PHKB: variants seen among roughly 807,000 people sequenced by gnomAD.
The protein encoded by PHKB is phosphorylase kinase regulatory subunit beta.
A neutral mutation model predicts 152.1 loss-of-function variants in PHKB; 122 were observed. That is an observed-to-expected ratio of 0.80 (90% CI 0.69 to 0.93). The LOEUF is 0.93. Ranked by LOEUF, PHKB falls within the 40% of genes least tolerant of loss-of-function variation. The pLI, the probability that PHKB is intolerant of heterozygous loss-of-function variation, is 0.00. For missense variants in PHKB, 1,304 were observed against 1,328.4 expected (o/e 0.98, Z 0.29); for synonymous variants, 436 against 464.9 (o/e 0.94, Z 0.80).
Position 47,659,876 on chromosome 16 carries a change from A to T in PHKB, c.1972-630A>T, listed in dbSNP as rs1406141414. Among the ~76,000 whole-genome samples, 3 of 151,952 alleles carry T rather than the reference A, an allele frequency of 2.0e-5. No homozygotes were observed. The East Asian group carries it at 5.8e-4, about 29-fold the overall frequency. On this transcript the variant is annotated intron_variant, in intron 20 of 30. Transcript: ENST00000323584. ...TTTTATTTTATTTATTTATTTATTT[A>T]TTTTTTGAGACGGAGTCTCACTCTA... is the stretch of plus-strand genomic sequence containing the variant.
chr16:47,505,153 T>C (rs1325295396), intron 4 of PHKB, among the ~76,000 whole-genome samples: 1 of 152,172 alleles, frequency 6.6e-6, no homozygotes, highest in Admixed American at 6.5e-5. Flanking sequence ...TTGGAGGTTT[T>C]ACGACCCAAA....
At chr16:47,489,208 T>G (rs1970103848) in intron 1 of PHKB, among the ~76,000 whole-genome samples, 1 of 152,158 alleles carries the variant, frequency 6.6e-6, no homozygotes, top group South Asian at 2.1e-4. Context: ...CATGCCACCA[T>G]GGCTGGCTAA....
In PHKB at chr16:47,677,478, C is replaced by T. The variant is rs530265200; in HGVS notation, c.2630+8061C>T. 1.2e-3 allele frequency among the ~76,000 whole-genome samples: 188 copies of T among 152,272 alleles called. 2 individuals are homozygous for T. Among genetic ancestry groups the T allele is most frequent in the Non-Finnish European group, 1.7e-3 (114 of 68,024 alleles). On this transcript the variant is annotated intron_variant, in intron 26 of 30. Coordinates refer to ENST00000323584, the MANE Select transcript of PHKB (RefSeq NM_000293.3). ...GGCTGGAAAGGCCAAGGTCAGGGTC[C>T]CTGCCAATTTGGTTTCTGGTGAGGG...
chr16:47,586,831 C>A (rs1380573592), intron 8 of PHKB, among the ~76,000 whole-genome samples: 1 of 152,110 alleles, frequency 6.6e-6, no homozygotes, highest in Non-Finnish European at 1.5e-5. Context: ...ATATGGAATG[C>A]ACTAGTTTTA....
At chr16:47,521,992 G>A (rs1378306336) in intron 6 of PHKB, among the ~76,000 whole-genome samples, 1 of 152,066 alleles carries the variant, frequency 6.6e-6, no homozygotes, top group Non-Finnish European at 1.5e-5. Context: ...TACATTAATA[G>A]TCATAATGGA....
At chr16:47,600,626 C>T (rs929868522) in intron 13 of PHKB, among the ~76,000 whole-genome samples, 1 of 152,176 alleles carries the variant, frequency 6.6e-6, no homozygotes, top group Non-Finnish European at 1.5e-5. Context: ...TACGACGTAC[C>T]TAGCCTATAT....
At chr16:47,549,077 A>T (rs1046778296) in intron 7 of PHKB, among the ~76,000 whole-genome samples, 1 of 152,236 alleles carries the variant, frequency 6.6e-6, no homozygotes, top group Non-Finnish European at 1.5e-5. Flanking sequence ...AGTATCAATC[A>T]ATGAAAAAGT....
chr16:47,608,050 T>C, intron 13 of PHKB, among the ~76,000 whole-genome samples: 1 of 152,168 alleles, frequency 6.6e-6, no homozygotes, highest in Non-Finnish European at 1.5e-5. Context: ...TTTATTATTA[T>C]GTTGTTATGA....
intron 7 of PHKB, among the ~76,000 whole-genome samples, chr16:47,569,095 T>C (rs1971615255): frequency 6.6e-6 from 1 of 152,210 alleles, no homozygotes. Flanking sequence ...CTCAGTGATC[T>C]ATGTAGTGCT....
At chr16:47,558,174 A>G (rs1023976085) in intron 7 of PHKB, among the ~76,000 whole-genome samples, 10 of 146,286 alleles carry the variant, frequency 6.8e-5, no homozygotes, top group Admixed American at 4.9e-4. Context: ...CATAGGTGGG[A>G]CTTGAACAAT....
chr16:47,478,185 A>G (rs1969902095), intron 1 of PHKB, among the ~76,000 whole-genome samples: 1 of 152,198 alleles, frequency 6.6e-6, no homozygotes, highest in African/African-American at 2.4e-5. Context: ...CATGTATTTA[A>G]TTTACAAGAT....
chr16:47,544,731 T>C (rs1971127196), intron 6 of PHKB, among the ~76,000 whole-genome samples: 2 of 152,196 alleles, frequency 1.3e-5, no homozygotes, highest in Admixed American at 6.5e-5. Context: ...CTAAGTCTCT[T>C]TGTAAGTCTC....
intron 7 of PHKB, among the ~76,000 whole-genome samples, chr16:47,558,982 G>A (rs1011624798): frequency 1.3e-5 from 2 of 152,184 alleles, no homozygotes; most frequent in South Asian, 4.1e-4. Context: ...ATATGTGTTC[G>A]CCTTTTGAAT....
chr16:47,632,582 G>C lies in PHKB; in HGVS notation c.1459-8453G>C, dbSNP rs12599778. Reference sequence around the variant, plus strand: ...GGCATAAATAATCATAGCAGTGATTGGTTGTTAGATGGAGGGGAACTGTGG... The same window carrying C: ...GGCATAAATAATCATAGCAGTGATTCGTTGTTAGATGGAGGGGAACTGTGG... On this transcript the variant is annotated intron_variant, in intron 14 of 30. Transcript: ENST00000323584. 7.6e-4 allele frequency among the ~76,000 whole-genome samples: 116 copies of C among 152,286 alleles called. No homozygotes were observed. The East Asian group carries it at 0.022, about 29-fold the overall frequency.
At chr16:47,680,119 C>G (rs1302959519) in intron 26 of PHKB, among the ~76,000 whole-genome samples, 1 of 152,046 alleles carries the variant, frequency 6.6e-6, no homozygotes, top group Admixed American at 6.6e-5. Flanking sequence ...GGGATGAAGC[C>G]CACTTGATCA....
At chr16:47,507,489 G>A (rs1334278796) in intron 4 of PHKB, among the ~76,000 whole-genome samples, 1 of 151,794 alleles carries the variant, frequency 6.6e-6, no homozygotes, top group African/African-American at 2.4e-5. Context: ...GTTTTCTTTT[G>A]ATACAGTTTG....
chr16:47,649,647 A>T (rs897566730), intron 18 of PHKB, among the ~76,000 whole-genome samples: 5 of 152,168 alleles, frequency 3.3e-5, no homozygotes, highest in Non-Finnish European at 5.9e-5. Context: ...TAGAATCATG[A>T]TTTAGAGCAT....
At chr16:47,638,801 A>G (rs1266784881) in intron 14 of PHKB, among the ~76,000 whole-genome samples, 2 of 152,244 alleles carry the variant, frequency 1.3e-5, no homozygotes, top group Non-Finnish European at 2.9e-5. Context: ...ATGCCTGTAA[A>G]ATGGAGATTA....
In PHKB at chr16:47,547,548, G is replaced by A; in HGVS notation, c.710G>A (p.Ser237Asn). The A allele has an allele frequency of 6.4e-7, 1 of 1,552,884 alleles. No individual in the cohort carries two copies. The highest frequency in any genetic ancestry group is 8.9e-7 in the Non-Finnish European group (1 of 1,125,002). Residue 237 changes from serine (S) to asparagine (N), a missense_variant and splice_region_variant, in exon 7 of 31, where the codon AGC becomes AAC. Transcript: ENST00000323584. ...YNNGSTELHS[S>N]SVGLAKAALE... is the part of the protein sequence containing the mutation. Reference sequence around the variant, plus strand: ...AATGGCAGCACAGAGCTACATTCGAGGTAATTTGCTGATTTCTGAGGTTTT... The same window carrying A: ...AATGGCAGCACAGAGCTACATTCGAAGTAATTTGCTGATTTCTGAGGTTTT...
Sources: gnomAD v4.1 joint callset for allele counts (sites outside exome capture counted in the v4.1 genomes callset) on GRCh38, gnomAD v4.1.1 for gene constraint, MANE v1.5 for transcripts, NCBI Gene and HGNC (gene_info 2026-07-23, HGNC 2026-07-21) for gene names.